LGR6: variants seen among roughly 807,000 people sequenced by gnomAD.
LGR6 encodes the protein leucine rich repeat containing G protein-coupled receptor 6.
In LGR6, 45 loss-of-function variants were observed where a neutral mutation model predicts 69.4. The observed-to-expected ratio is 0.65, with a 90% CI of 0.51 to 0.83. The LOEUF (loss-of-function observed/expected upper bound fraction) is 0.83, where lower values mean the gene tolerates loss of function less well. Among genes scored for constraint, LGR6 ranks in the 40% least tolerant of loss-of-function variants. The pLI, the probability that LGR6 is intolerant of heterozygous loss-of-function variation, is 0.00. For synonymous variants in LGR6, 538 were observed against 555.0 expected (o/e 0.97, Z 0.43); for missense variants, 1,108 against 1,246.7 (o/e 0.89, Z 1.68).
At chr1:202,264,618 C>T (rs1315453122) in intron 4 of LGR6, among the ~76,000 whole-genome samples, 2 of 152,178 alleles carry the variant, frequency 1.3e-5, no homozygotes, top group Non-Finnish European at 2.9e-5. Context: ...GTAGTTCCCA[C>T]CCCAGGATTC....
intron 5 of LGR6, among the ~76,000 whole-genome samples, chr1:202,277,410 T>C (rs986978886): frequency 6.6e-6 from 1 of 151,834 alleles, no homozygotes; most frequent in Non-Finnish European, 1.5e-5. Context: ...TGGACTATAT[T>C]CTTCTGTCAG....
At chr1:202,267,727 A>G (rs926258124) in intron 4 of LGR6, among the ~76,000 whole-genome samples, 5 of 152,350 alleles carry the variant, frequency 3.3e-5, no homozygotes, top group Admixed American at 1.3e-4. Flanking sequence ...TAAGGTTTTT[A>G]TATTGTTTTA....
At chr1:202,250,118 C>G (rs1396469750) in intron 4 of LGR6, among the ~76,000 whole-genome samples, 1 of 152,152 alleles carries the variant, frequency 6.6e-6, no homozygotes, top group African/African-American at 2.4e-5. Context: ...CTGTGCTTTG[C>G]TGTTCCCTCT....
At chr1:202,223,843 C>A (rs1660325461) in intron 1 of LGR6, among the ~76,000 whole-genome samples, 1 of 1,516 alleles carries the variant, frequency 6.6e-4, no homozygotes, top group Non-Finnish European at 1.9e-3. Context: ...GCCCCACAGG[C>A]CTGTGAAAAG....
Position 202,194,072 on chromosome 1 carries a change from C to A in LGR6, c.83C>A (p.Pro28His), listed in dbSNP as rs1658539216. ...ASRRAGGAPQ[P>H]GPGPTACPAP... The stretch of plus-strand genomic sequence containing the variant: ...CGGAGGGCCGGCGGCGCCCCCCAGC[C>A]CGGCCCGGGGCCCACCGCCTGCCCG... Residue 28 changes from proline (P) to histidine (H), a missense_variant, in exon 1 of 18, where the codon CCC (proline) becomes CAC (histidine). Transcript: ENST00000367278. 32 of 1,455,496 alleles carry A rather than the reference C, an allele frequency of 2.2e-5. No homozygotes were observed. The highest frequency in any genetic ancestry group is 2.9e-5 in the Non-Finnish European group (32 of 1,110,476). The allele number at this position is 1,455,496 out of a possible 1,614,324, so 90.2% of individuals were successfully genotyped here.
chr1:202,256,992 T>C (rs1279153811), intron 4 of LGR6, among the ~76,000 whole-genome samples: 2 of 152,256 alleles, frequency 1.3e-5, no homozygotes, highest in Admixed American at 6.5e-5. Context: ...TGTGTACTTA[T>C]TGGCCATTTG....
chr1:202,267,896 A>G (rs1664794227), intron 4 of LGR6, among the ~76,000 whole-genome samples: 1 of 152,168 alleles, frequency 6.6e-6, no homozygotes, highest in African/African-American at 2.4e-5. Flanking sequence ...AGACAAAGGG[A>G]ATGATACCAT....
At chr1:202,288,003 GAAAA>G (rs1053338791) in intron 6 of LGR6, among the ~76,000 whole-genome samples, 2 of 147,842 alleles carry the variant, frequency 1.4e-5, no homozygotes, top group South Asian at 4.3e-4. Flanking sequence ...TCATACTCCA[GAAAA>G]AAAAAAGCCA....
At chr1:202,313,061 T>TA (rs34777066) in intron 16 of LGR6, among the ~76,000 whole-genome samples, 70,147 of 151,462 alleles carry the variant, frequency 0.46, 17,194 homozygotes, top group East Asian at 0.71. Context: ...ACCCCATCTC[T>TA]AAAAAAATAC....
At chr1:202,205,641 AACAC>A (rs67852097) in intron 1 of LGR6, among the ~76,000 whole-genome samples, 4 of 133,390 alleles carry the variant, frequency 3.0e-5, no homozygotes, top group East Asian at 2.4e-4. Flanking sequence ...ACCTCCTTCA[AACAC>A]ACACACACAC....
intron 1 of LGR6, among the ~76,000 whole-genome samples, chr1:202,210,027 T>C (rs930665704): frequency 1.3e-5 from 2 of 152,116 alleles, no homozygotes; most frequent in African/African-American, 4.8e-5. Flanking sequence ...GGTGAAGAAA[T>C]GGGTTCAGAC....
At chr1:202,222,558 G>T (rs1022330109) in intron 1 of LGR6, among the ~76,000 whole-genome samples, 2 of 152,176 alleles carry the variant, frequency 1.3e-5, no homozygotes, top group Non-Finnish European at 2.9e-5. Flanking sequence ...ATCCAGAAAT[G>T]CACAGGGTAA....
At position 202,306,564 on chromosome 1, in the gene LGR6, G is replaced by C. The variant is rs542249917; in HGVS notation, c.1137-304G>C. Among the ~76,000 whole-genome samples the C allele has an allele frequency of 4.9e-4, 75 of 152,306 alleles. 1 individual carries two copies. The South Asian group carries it at 0.013, about 26-fold the overall frequency. ...CTGGGCTAGGGTCTGGAGGACCCAT[G>C]GTGATGGGAGGTGTGGGGGCCAGTT... On this transcript the variant is annotated intron_variant, in intron 12 of 17. Transcript: ENST00000367278.
At chr1:202,309,021 G>T in intron 14 of LGR6, 30 bp from the exon 15 acceptor site, 1 of 1,612,200 alleles carries the variant, frequency 6.2e-7, no homozygotes, top group Non-Finnish European at 8.5e-7. Flanking sequence ...CCCACTGACT[G>T]CCAATAACCC....
At chr1:202,198,175 A>T (rs1266170167) in intron 1 of LGR6, among the ~76,000 whole-genome samples, 1 of 151,864 alleles carries the variant, frequency 6.6e-6, no homozygotes, top group Non-Finnish European at 1.5e-5. Flanking sequence ...GATACAGGGT[A>T]ATTTGCAGGG....
chr1:202,193,939 G>A lies in LGR6; in HGVS notation c.-51G>A, dbSNP rs1166599548. Reference sequence around the variant, plus strand: ...GGGAGGAAGCAGCTGCGGCCATCGCGCCGTGCGTCCGCGCCCGGCCGCCAG... The same window carrying A: ...GGGAGGAAGCAGCTGCGGCCATCGCACCGTGCGTCCGCGCCCGGCCGCCAG... On this transcript the variant is annotated 5_prime_UTR_variant, in exon 1 of 18. Coordinates refer to ENST00000367278, the MANE Select transcript of LGR6 (RefSeq NM_001017403.2). 2 of 1,180,646 alleles carry A rather than the reference G, an allele frequency of 1.7e-6. No individual in the cohort carries two copies. The highest frequency in any genetic ancestry group is 1.6e-5 in the African/African-American group (1 of 61,582). 73.1% of individuals were successfully genotyped at this position (1,180,646 alleles called of 1,614,324 possible). A position where few individuals can be genotyped will look rare whatever the true frequency, so the allele number is the denominator to read the frequency against.
chr1:202,214,089 A>C, intron 1 of LGR6: 2 of 1,385,334 alleles, frequency 1.4e-6, no homozygotes, highest in Non-Finnish European at 9.3e-7. Context: ...AGAACGAGAG[A>C]GGATCAGCGC....
intron 4 of LGR6, among the ~76,000 whole-genome samples, chr1:202,275,646 C>T (rs1486989061): frequency 1.3e-5 from 2 of 152,138 alleles, no homozygotes; most frequent in Non-Finnish European, 2.9e-5. Context: ...GAGCCCCTTG[C>T]CCCCTGGGCC....
intron 13 of LGR6, 49 bp from the exon 14 acceptor site, chr1:202,307,281 G>T: frequency 6.4e-7 from 1 of 1,553,126 alleles, no homozygotes. Context: ...GGAACAGTGA[G>T]TCCTCCACAT....
Sources: allele counts gnomAD v4.1 joint callset (sites outside exome capture counted in the v4.1 genomes callset), GRCh38; gene constraint gnomAD v4.1.1; transcripts MANE v1.5; gene names NCBI Gene and HGNC (gene_info 2026-07-23, HGNC 2026-07-21).